PDE1A: variants seen among roughly 807,000 people sequenced by gnomAD.
PDE1A encodes dual specificity calcium/calmodulin-dependent 3',5'-cyclic nucleotide phosphodiesterase 1A.
A neutral mutation model predicts 61.7 loss-of-function variants in PDE1A; 35 were observed. That is an observed-to-expected ratio of 0.57 (90% CI 0.43 to 0.75). PDE1A has a LOEUF of 0.75. Ranked by LOEUF, PDE1A falls within the 30% of genes least tolerant of loss-of-function variation. The pLI, the probability that PDE1A is intolerant of heterozygous loss-of-function variation, is 0.00. For missense variants in PDE1A, 597 were observed against 630.6 expected, an observed-to-expected ratio of 0.95 and a Z score of 0.57; for synonymous variants, 232 against 213.2, an observed-to-expected ratio of 1.09 and a Z score of -0.77.
intron 2 of PDE1A, among the ~76,000 whole-genome samples, chr2:182,491,050 C>T (rs779775290): frequency 6.6e-6 from 1 of 152,090 alleles, no homozygotes; most frequent in Non-Finnish European, 1.5e-5. Context: ...TTGATGGGAA[C>T]GTAATTGCAG....
At chr2:182,181,717 C>T (rs964822474) in intron 13 of PDE1A, among the ~76,000 whole-genome samples, 1 of 152,168 alleles carries the variant, frequency 6.6e-6, no homozygotes, top group East Asian at 1.9e-4. Flanking sequence ...AGTTGAGAGT[C>T]CTGTCTGTAA....
chr2:182,551,422 G>A, the PDE1A span, among the ~76,000 whole-genome samples: 104 of 152,234 alleles, frequency 6.8e-4, no homozygotes, highest in African/African-American at 2.4e-3. Context: ...GCTGATAACA[G>A]TAATAGAGAA....
intron 1 of PDE1A, among the ~76,000 whole-genome samples, chr2:182,304,589 T>C (rs1425704296): frequency 1.3e-5 from 2 of 152,186 alleles, no homozygotes; most frequent in African/African-American, 4.8e-5. Flanking sequence ...TCTGACTTCC[T>C]TTTACTTGAA....
the PDE1A span, among the ~76,000 whole-genome samples, chr2:182,662,743 G>C: frequency 6.6e-6 from 1 of 152,056 alleles, no homozygotes; most frequent in South Asian, 2.1e-4. Context: ...AGACAACCTA[G>C]GCAATACCAT....
chr2:182,276,145 T>G (rs1693394854), intron 1 of PDE1A, among the ~76,000 whole-genome samples: 1 of 152,012 alleles, frequency 6.6e-6, no homozygotes, highest in African/African-American at 2.4e-5. Context: ...CTCTCTTTTC[T>G]CTGTTTCTTT....
upstream of PDE1A, among the ~76,000 whole-genome samples, chr2:182,429,834 A>G (rs1703839561): frequency 6.6e-6 from 1 of 152,190 alleles, no homozygotes; most frequent in Admixed American, 6.6e-5. Context: ...CAAGTGCCAA[A>G]GCATGCAATG....
chr2:182,397,994 A>T (rs1007393467), intron 1 of PDE1A, among the ~76,000 whole-genome samples: 4 of 152,096 alleles, frequency 2.6e-5, no homozygotes, highest in African/African-American at 9.6e-5. Flanking sequence ...CTTTCTAAAG[A>T]TGTTTACATG....
At chr2:182,546,505 A>G in the PDE1A span, among the ~76,000 whole-genome samples, 1 of 152,208 alleles carries the variant, frequency 6.6e-6, no homozygotes, top group African/African-American at 2.4e-5. Context: ...TGAGGAAGCA[A>G]CAACTGGGGA....
the PDE1A span, among the ~76,000 whole-genome samples, chr2:182,605,604 G>T: frequency 6.6e-6 from 1 of 152,174 alleles, no homozygotes; most frequent in African/African-American, 2.4e-5. Context: ...AAGTTTGCTT[G>T]TTTCCACTAT....
At chr2:182,269,355 G>A (rs1574206837) in intron 1 of PDE1A, among the ~76,000 whole-genome samples, 1 of 151,910 alleles carries the variant, frequency 6.6e-6, no homozygotes, top group Non-Finnish European at 1.5e-5. Context: ...GGGTGTGGTG[G>A]TGCATGCCTG....
chr2:182,554,244 T>G, the PDE1A span, among the ~76,000 whole-genome samples: 3 of 152,228 alleles, frequency 2.0e-5, no homozygotes, highest in Admixed American at 6.5e-5. Flanking sequence ...TCTAAACTAT[T>G]TCATATTCCA....
chr2:182,370,399 A>G (rs796789055), intron 1 of PDE1A, among the ~76,000 whole-genome samples: 36 of 152,304 alleles, frequency 2.4e-4, no homozygotes, highest in African/African-American at 8.2e-4. Context: ...GGAAACTTGT[A>G]AAGATTTCAG....
intron 2 of PDE1A, among the ~76,000 whole-genome samples, chr2:182,497,326 T>A (rs1415033157): frequency 6.6e-6 from 1 of 152,084 alleles, no homozygotes; most frequent in Non-Finnish European, 1.5e-5. Flanking sequence ...GAAACAAGGG[T>A]TTCACCCTAA....
intron 1 of PDE1A, among the ~76,000 whole-genome samples, chr2:182,386,415 G>T (rs867881080): frequency 6.6e-6 from 1 of 151,678 alleles, no homozygotes; most frequent in African/African-American, 2.4e-5. Context: ...TCTCTGCCCG[G>T]CTGCCCATCG....
chr2:182,257,440 T>C (rs1182476452), intron 2 of PDE1A, among the ~76,000 whole-genome samples: 1 of 152,174 alleles, frequency 6.6e-6, no homozygotes, highest in Admixed American at 6.5e-5. Flanking sequence ...AAAAATACTT[T>C]GAATAGGTCT....
In PDE1A at chr2:182,186,669, G is replaced by A. The variant is rs535130323; in HGVS notation, c.1208-81C>T. The A allele has an allele frequency of 1.0e-4, 143 of 1,386,642 alleles. No individual in the cohort carries two copies. In the African/African-American group the frequency reaches 1.8e-3, roughly 18 times the overall value. The allele number at this position is 1,386,642 out of a possible 1,614,324, so 85.9% of individuals were successfully genotyped here. A position where few individuals can be genotyped will look rare whatever the true frequency, so the allele number is the denominator to read the frequency against. ...GAATTCTGAAATCAGAAATAATGAAGAGCTTCTGACAATCCTGGGATAGCA... is the reference window on the plus strand; with the variant it reads ...GAATTCTGAAATCAGAAATAATGAAAAGCTTCTGACAATCCTGGGATAGCA... On this transcript the variant is annotated intron_variant, in intron 11 of 13. Transcript: ENST00000351439.
intron 2 of PDE1A, among the ~76,000 whole-genome samples, chr2:182,495,034 T>C (rs1338592131): frequency 6.6e-6 from 1 of 152,156 alleles, no homozygotes; most frequent in Non-Finnish European, 1.5e-5. Context: ...GTCCACTCTG[T>C]CGGGGGTGCT....
At chr2:182,711,729 T>G in the PDE1A span, among the ~76,000 whole-genome samples, 37 of 152,202 alleles carry the variant, frequency 2.4e-4, no homozygotes, top group Non-Finnish European at 5.1e-4. Flanking sequence ...AATGGTGGGA[T>G]TGTCAAAACG....
chr2:182,490,366 T>A (rs1026533310), intron 2 of PDE1A, among the ~76,000 whole-genome samples: 3 of 152,148 alleles, frequency 2.0e-5, no homozygotes, highest in Non-Finnish European at 4.4e-5. Flanking sequence ...TTTTAATTTT[T>A]ATTTATTTAT....
Sources: gnomAD v4.1 joint callset for allele counts (sites outside exome capture counted in the v4.1 genomes callset) on GRCh38, gnomAD v4.1.1 for gene constraint, MANE v1.5 for transcripts, NCBI Gene and HGNC (gene_info 2026-07-23, HGNC 2026-07-21) for gene names.